Variants in SLC25A21 observed in about 807,000 individuals in gnomAD.
SLC25A21 encodes the protein solute carrier family 25 member 21.
A neutral mutation model predicts 43.8 loss-of-function variants in SLC25A21; 47 were observed. That is an observed-to-expected ratio of 1.07 (90% CI 0.85 to 1.37). The LOEUF (loss-of-function observed/expected upper bound fraction) is 1.37, where lower values mean the gene tolerates loss of function less well. Ranked by LOEUF, SLC25A21 falls within the 40% of genes most tolerant of loss-of-function variation. The probability of loss-of-function intolerance (pLI) is 0.00; values close to 1 mark genes in which losing one functional copy is unlikely to be tolerated. For missense variants in SLC25A21, 352 were observed against 350.2 expected, an observed-to-expected ratio of 1.00 and a Z score of -0.04; for synonymous variants, 131 against 121.3, an observed-to-expected ratio of 1.08 and a Z score of -0.52.
intron 1 of SLC25A21, among the ~76,000 whole-genome samples, chr14:37,007,330 C>T (rs772010143): frequency 1.3e-5 from 2 of 152,116 alleles, no homozygotes; most frequent in African/African-American, 4.8e-5. Flanking sequence ...TGGCCAGGTG[C>T]GGTGGCTCAC....
chr14:37,172,209 T>C, intron 1 of SLC25A21, 72 bp downstream of exon 1: 5 of 1,452,900 alleles, frequency 3.4e-6, no homozygotes, highest in African/African-American at 2.8e-5. Flanking sequence ...GAGACCTGTC[T>C]GGGCAACGGT....
intron 1 of SLC25A21, among the ~76,000 whole-genome samples, chr14:36,875,465 A>G (rs780528973): frequency 6.6e-6 from 1 of 152,186 alleles, no homozygotes; most frequent in African/African-American, 2.4e-5. Flanking sequence ...AACAAAGAAA[A>G]TGATGCCTCT....
At chr14:36,968,544 C>T (rs750374924) in intron 1 of SLC25A21, among the ~76,000 whole-genome samples, 12 of 152,158 alleles carry the variant, frequency 7.9e-5, no homozygotes, top group Admixed American at 2.6e-4. Flanking sequence ...ACGGCAGGAA[C>T]GTAACCTACT....
chr14:37,131,677 C>CT (rs1963393616), intron 1 of SLC25A21, among the ~76,000 whole-genome samples: 1 of 152,114 alleles, frequency 6.6e-6, no homozygotes, highest in South Asian at 2.1e-4. Flanking sequence ...TGGCAACGGT[C>CT]TTTGTTTTTT....
At chr14:36,881,890 A>G (rs1890739682) in intron 1 of SLC25A21, among the ~76,000 whole-genome samples, 1 of 152,176 alleles carries the variant, frequency 6.6e-6, no homozygotes, top group Non-Finnish European at 1.5e-5. Context: ...ATTAAAGGAC[A>G]ATGTTGAATG....
chr14:36,846,202 T>C (rs889784075), intron 2 of SLC25A21, among the ~76,000 whole-genome samples: 1 of 152,128 alleles, frequency 6.6e-6, no homozygotes, highest in African/African-American at 2.4e-5. Flanking sequence ...TACTTTCTAG[T>C]TGAGAAAGAA....
chr14:36,767,020 T>A (rs922342059), intron 3 of SLC25A21, among the ~76,000 whole-genome samples: 1 of 152,278 alleles, frequency 6.6e-6, no homozygotes, highest in Non-Finnish European at 1.5e-5. Context: ...ATTATATTGC[T>A]ATAAGTACAA....
At chr14:36,814,061 AT>A in intron 2 of SLC25A21, 60 bp from the exon 3 acceptor site, 4 of 1,152,006 alleles carry the variant, frequency 3.5e-6, no homozygotes, top group Non-Finnish European at 5.1e-6. Flanking sequence ...GGCTTTTCTC[AT>A]TTTTTAAAGT....
chr14:37,054,392 T>C (rs750760821), intron 1 of SLC25A21, among the ~76,000 whole-genome samples: 4 of 152,268 alleles, frequency 2.6e-5, no homozygotes, highest in Non-Finnish European at 4.4e-5. Flanking sequence ...AATCATGTGA[T>C]ATAAAATACA....
intron 1 of SLC25A21, among the ~76,000 whole-genome samples, chr14:36,878,001 C>G (rs778715736): frequency 2.0e-5 from 3 of 152,036 alleles, no homozygotes; most frequent in Non-Finnish European, 4.4e-5. Context: ...TGGTATTGAC[C>G]TCTGCTAATG....
chr14:36,769,080 C>T (rs1886523261), intron 3 of SLC25A21, among the ~76,000 whole-genome samples: 1 of 152,148 alleles, frequency 6.6e-6, no homozygotes, highest in South Asian at 2.1e-4. Flanking sequence ...GTGACATTGC[C>T]TGATGCAATG....
chr14:37,161,034 A>C (rs1963932279), intron 1 of SLC25A21, among the ~76,000 whole-genome samples: 1 of 151,450 alleles, frequency 6.6e-6, no homozygotes, highest in South Asian at 2.1e-4. Context: ...GAAGAAATAA[A>C]TTCAATGTCT....
At chr14:36,795,170 T>C (rs1282096536) in intron 3 of SLC25A21, among the ~76,000 whole-genome samples, 3 of 152,344 alleles carry the variant, frequency 2.0e-5, no homozygotes, top group Admixed American at 6.5e-5. Context: ...AGAACATTTC[T>C]CTTTAAAAAT....
chr14:37,091,965 A>G (rs1962595492), intron 1 of SLC25A21, among the ~76,000 whole-genome samples: 1 of 152,098 alleles, frequency 6.6e-6, no homozygotes, highest in African/African-American at 2.4e-5. Context: ...CTATCTTTAC[A>G]AAAATACAAA....
chr14:36,679,500 A>C lies in SLC25A21; in HGVS notation c.*1158T>G. On this transcript the variant is annotated 3_prime_UTR_variant, in exon 10 of 10. Coordinates refer to ENST00000331299, the MANE Select transcript of SLC25A21 (RefSeq NM_030631.4). ...TTGTTGACTTTACTGAATCAGCATCATCTCTGGATGCAGATATAAAATCAA... is the reference window on the plus strand; with the variant it reads ...TTGTTGACTTTACTGAATCAGCATCCTCTCTGGATGCAGATATAAAATCAA... 1 of 985,406 alleles carries C rather than the reference A, an allele frequency of 1.0e-6. No individual in the cohort carries two copies. Among genetic ancestry groups the C allele is most frequent in the South Asian group, 4.7e-5 (1 of 21,284 alleles). The allele number at this position is 985,406 out of a possible 1,614,324, so 61.0% of individuals were successfully genotyped here. A position where few individuals can be genotyped will look rare whatever the true frequency, so the allele number is the denominator to read the frequency against.
intron 1 of SLC25A21, among the ~76,000 whole-genome samples, chr14:37,048,442 A>C (rs1442071188): frequency 1.3e-5 from 2 of 150,210 alleles, no homozygotes; most frequent in Admixed American, 6.6e-5. Context: ...GGGAAGAGGC[A>C]GTACCAAATT....
intron 7 of SLC25A21, among the ~76,000 whole-genome samples, chr14:36,704,664 A>C (rs1883427231): frequency 6.6e-6 from 1 of 151,914 alleles, no homozygotes; most frequent in South Asian, 2.1e-4. Context: ...CTCAAAAAAA[A>C]AAAAAAACAA....
intron 3 of SLC25A21, among the ~76,000 whole-genome samples, chr14:36,747,432 T>C (rs927159745): frequency 7.9e-5 from 12 of 152,210 alleles, no homozygotes; most frequent in Admixed American, 1.3e-4. Context: ...CTAGTGTTTA[T>C]GGAAATGAAT....
intron 1 of SLC25A21, among the ~76,000 whole-genome samples, chr14:36,966,609 C>T (rs1486945228): frequency 6.6e-6 from 1 of 152,206 alleles, no homozygotes. Flanking sequence ...ACTGTACTCT[C>T]ACCTCCCAGG....
Sources: gnomAD v4.1 joint callset for allele counts (sites outside exome capture counted in the v4.1 genomes callset) on GRCh38, gnomAD v4.1.1 for gene constraint, MANE v1.5 for transcripts, NCBI Gene and HGNC (gene_info 2026-07-23, HGNC 2026-07-21) for gene names.